The following ETF1 variants were observed in gnomAD, a reference collection of about 807,000 sequenced individuals.
The protein encoded by ETF1 is eukaryotic translation termination factor 1.
In ETF1, 4 loss-of-function variants were observed where a neutral mutation model predicts 55.1. The ratio of observed to expected loss-of-function variants is 0.07; its 90% CI spans 0.04 to 0.17. The LOEUF is 0.17. Ranked by LOEUF, ETF1 falls within the 10% of genes least tolerant of loss-of-function variation. ETF1 has a pLI of 1.00. For synonymous variants in ETF1, 157 were observed against 182.3 expected, an observed-to-expected ratio of 0.86 and a Z score of 1.12; for missense variants, 142 against 523.6, an observed-to-expected ratio of 0.27 and a Z score of 7.11.
At chr5:138,517,748 T>C (rs756012599) in intron 3 of ETF1, 48 bp from the exon 4 acceptor site, 3 of 1,370,676 alleles carry the variant, frequency 2.2e-6, no homozygotes, top group South Asian at 2.1e-5. Context: ...TATCTAGTTT[T>C]TCGTCAATTA....
Position 138,511,630 on chromosome 5 carries a change from G to A in ETF1, c.733-26C>T, listed in dbSNP as rs1358230930. On this transcript the variant is annotated intron_variant, in intron 6 of 10. Transcript: ENST00000360541. The stretch of plus-strand genomic sequence containing the variant: ...CTAACACACAAAAAAAATATTATTA[G>A]TACTTACTGGTACTTATTTAAAATA... 5 of 1,557,686 alleles carry A rather than the reference G, an allele frequency of 3.2e-6. No individual in the cohort carries two copies. The South Asian group carries it at 4.8e-5, about 15-fold the overall frequency.
rs369181083 is a variant in ETF1 at position 138,506,985 on chromosome 5, G to A, written c.*1320C>T. On this transcript the variant is annotated 3_prime_UTR_variant, in exon 11 of 11. Transcript: ENST00000360541. ...TCCATTTGGTATACTTTTTTCCATCGCTACCACTGGGCACGTACTATACAC... is the reference window on the plus strand; with the variant it reads ...TCCATTTGGTATACTTTTTTCCATCACTACCACTGGGCACGTACTATACAC... The A allele has an allele frequency of 4.6e-5, 7 of 152,400 alleles. No homozygotes were observed. The South Asian group carries it at 6.2e-4, about 14-fold the overall frequency. The allele number at this position is 152,400 out of a possible 1,614,324, so 9.4% of individuals were successfully genotyped here.
intron 6 of ETF1, 164 bp downstream of exon 6, chr5:138,512,600 G>T: frequency 1.8e-6 from 1 of 552,410 alleles, no homozygotes; most frequent in South Asian, 2.9e-5. Context: ...GAAAAGCACA[G>T]GGGAATGTTT....
intron 2 of ETF1, among the ~76,000 whole-genome samples, chr5:138,531,549 G>A (rs1308221417): frequency 6.6e-6 from 1 of 152,120 alleles, no homozygotes; most frequent in Non-Finnish European, 1.5e-5. Context: ...TGTAAATCAC[G>A]TTAACTACTT....
chr5:138,517,585 C>T lies in ETF1; in HGVS notation c.378G>A (p.Leu126=), dbSNP rs769597841. The T allele has an allele frequency of 3.8e-6, 6 of 1,588,724 alleles. No homozygotes were observed. The African/African-American group carries it at 5.4e-5, about 14-fold the overall frequency. ...CCTCTGTATGGAATTTGTTGTCACA[C>T]AAATACAATGACGTATTAATTGGTT... The part of the protein sequence containing the change: ...PFKPINTSLY[L]CDNKFHTEAL... The change falls in exon 4 of 11, where the codon TTG becomes TTA. Residue 126 remains leucine (L), a synonymous_variant. Transcript: ENST00000360541.
At chr5:138,515,138 T>C (rs1297517493) in intron 4 of ETF1, among the ~76,000 whole-genome samples, 2 of 152,140 alleles carry the variant, frequency 1.3e-5, no homozygotes, top group Non-Finnish European at 2.9e-5. Context: ...CATTAAGACA[T>C]GAATATTGTG....
At chr5:138,517,474 TA>T (rs1765069474) in intron 4 of ETF1, 86 bp downstream of exon 4, 1 of 622,652 alleles carries the variant, frequency 1.6e-6, no homozygotes, top group Non-Finnish European at 2.6e-6. Context: ...ATGAGACAGG[TA>T]AGTGGGAGGG....
intron 2 of ETF1, among the ~76,000 whole-genome samples, chr5:138,542,329 T>C (rs1408400012): frequency 1.3e-5 from 2 of 152,190 alleles, no homozygotes; most frequent in African/African-American, 2.4e-5. Context: ...AGAAAGAAGC[T>C]GTCCCTGGCC....
intron 2 of ETF1, among the ~76,000 whole-genome samples, chr5:138,527,321 C>G (rs1304327727): frequency 6.6e-6 from 1 of 152,174 alleles, no homozygotes; most frequent in Non-Finnish European, 1.5e-5. Flanking sequence ...ACAAGCTAAT[C>G]AAAGACAGTA....
chr5:138,527,887 C>T (rs1461144246), intron 2 of ETF1, among the ~76,000 whole-genome samples: 3 of 152,084 alleles, frequency 2.0e-5, no homozygotes, highest in Admixed American at 6.5e-5. Flanking sequence ...ATTCTCCTGC[C>T]TCAGCCTCCT....
chr5:138,510,468 G>C lies in ETF1; in HGVS notation c.1083+97C>G, dbSNP rs1561828045. On this transcript the variant is annotated intron_variant, in intron 9 of 10. Coordinates refer to ENST00000360541, the MANE Select transcript of ETF1 (RefSeq NM_004730.4). ...CCCACAGCACCCCCAATTAGTATAA[G>C]GTTTGGTTTCCCAAAGCTCACCCTC... 9 of 783,244 alleles carry C rather than the reference G, an allele frequency of 1.1e-5. 1 individual carries two copies. In the East Asian group the frequency reaches 2.6e-4, roughly 22 times the overall value. 48.5% of individuals were successfully genotyped at this position (783,244 alleles called of 1,614,324 possible). A position where few individuals can be genotyped will look rare whatever the true frequency, so the allele number is the denominator to read the frequency against.
chr5:138,519,571 G>A lies in ETF1; in HGVS notation c.87-704C>T, dbSNP rs149081528. ...CCAGCTATTCAGGTGGCTGAGGCAC[G>A]AGAATCACTTGAATCCGGGAGGCGG... On this transcript the variant is annotated intron_variant, in intron 2 of 10. Coordinates refer to ENST00000360541, the MANE Select transcript of ETF1 (RefSeq NM_004730.4). Among the ~76,000 whole-genome samples the A allele has an allele frequency of 9.4e-3, 1,430 of 151,596 alleles. 29 individuals are homozygous for A. Among genetic ancestry groups the A allele is most frequent in the African/African-American group, 0.032 (1,338 of 41,310 alleles).
chr5:138,511,661 A>G, intron 6 of ETF1, 57 bp from the exon 7 acceptor site: 1 of 1,520,788 alleles, frequency 6.6e-7, no homozygotes, highest in Non-Finnish European at 8.8e-7. Flanking sequence ...AAATATTATT[A>G]AAACACCTTT....
rs141443179 is a variant in ETF1 at position 138,520,290 on chromosome 5, T to C, written c.87-1423A>G. On this transcript the variant is annotated intron_variant, in intron 2 of 10. Transcript: ENST00000360541. The stretch of plus-strand genomic sequence containing the variant: ...AACTGATCTCACAGAAGTAGAATGA[T>C]TCTGAGAGACCCTTATGAACACCTC... Among the ~76,000 whole-genome samples, 1,354 of 151,538 alleles carry C rather than the reference T, an allele frequency of 8.9e-3. 26 individuals are homozygous for C. Among genetic ancestry groups the C allele is most frequent in the African/African-American group, 0.031 (1,289 of 41,210 alleles).
Position 138,508,655 on chromosome 5 carries a change from G to A in ETF1, c.1231+14C>T. On this transcript the variant is annotated intron_variant, in intron 10 of 10. Coordinates refer to ENST00000360541, the MANE Select transcript of ETF1 (RefSeq NM_004730.4). Reference sequence around the variant, plus strand: ...ACCCTGGTTTTAAGTTTGGTTTGCTGATTTGCTACTCACCTCCAATTCCAC... The same window carrying A: ...ACCCTGGTTTTAAGTTTGGTTTGCTAATTTGCTACTCACCTCCAATTCCAC... The A allele has an allele frequency of 6.2e-7, 1 of 1,612,156 alleles. No homozygotes were observed. Among genetic ancestry groups the A allele is most frequent in the Non-Finnish European group, 8.5e-7 (1 of 1,179,834 alleles).
chr5:138,515,279 G>A (rs975000293), intron 4 of ETF1, among the ~76,000 whole-genome samples: 11 of 152,178 alleles, frequency 7.2e-5, no homozygotes, highest in African/African-American at 2.4e-4. Context: ...ACAAAAATTA[G>A]TTGGGCGTGG....
At position 138,513,674 on chromosome 5, in the gene ETF1, C is replaced by T; in HGVS notation, c.435G>A (p.Lys145=). The change falls in exon 5 of 11, where the codon AAG becomes AAA. Residue 145 remains lysine, a synonymous_variant. Coordinates refer to ENST00000360541, the MANE Select transcript of ETF1 (RefSeq NM_004730.4). The stretch of plus-strand genomic sequence containing the variant: ...TACCATCTATTACAATGAATCCAAA[C>T]TTGCTATCATCTGAAAGTAGTGCTG... The part of the protein sequence containing the change: ...ALTALLSDDS[K]FGFIVIDGSG... 6.2e-7 allele frequency: 1 copy of T among 1,605,704 alleles called. No individual in the cohort carries two copies. Among genetic ancestry groups the T allele is most frequent in the East Asian group, 2.2e-5 (1 of 44,564 alleles).
At chr5:138,538,615 T>C (rs982416158) in intron 2 of ETF1, among the ~76,000 whole-genome samples, 4 of 151,810 alleles carry the variant, frequency 2.6e-5, no homozygotes, top group African/African-American at 9.7e-5. Flanking sequence ...GGTATTTGTA[T>C]CAAAGACCAC....
At chr5:138,526,703 C>T (rs1765486933) in intron 2 of ETF1, among the ~76,000 whole-genome samples, 1 of 151,646 alleles carries the variant, frequency 6.6e-6, no homozygotes, top group African/African-American at 2.4e-5. Context: ...TGCCCAACAG[C>T]TATTGTTTTT....
Sources: allele counts gnomAD v4.1 joint callset (sites outside exome capture counted in the v4.1 genomes callset), GRCh38; gene constraint gnomAD v4.1.1; transcripts MANE v1.5; gene names NCBI Gene and HGNC (gene_info 2026-07-23, HGNC 2026-07-21).